The following PPP3CC variants were observed in gnomAD, a reference collection of about 807,000 sequenced individuals.
PPP3CC encodes serine/threonine-protein phosphatase 2B catalytic subunit gamma isoform.
In PPP3CC, 35 loss-of-function variants were observed where a neutral mutation model predicts 60.3. The ratio of observed to expected loss-of-function variants is 0.58; its 90% CI spans 0.44 to 0.77. The LOEUF is 0.77. Among genes scored for constraint, PPP3CC ranks in the 30% least tolerant of loss-of-function variants. The pLI is 0.00. For missense variants in PPP3CC, 570 were observed against 628.9 expected (o/e 0.91, Z 1.00); for synonymous variants, 206 against 224.3 (o/e 0.92, Z 0.73).
chr8:22,466,209 G>T (rs1837517931), intron 1 of PPP3CC, among the ~76,000 whole-genome samples: 1 of 152,104 alleles, frequency 6.6e-6, no homozygotes, highest in Non-Finnish European at 1.5e-5. Flanking sequence ...GTCTATATGT[G>T]CCACGTTTTC....
intron 3 of PPP3CC, among the ~76,000 whole-genome samples, chr8:22,485,503 G>C (rs145180005): frequency 6.6e-6 from 1 of 152,140 alleles, no homozygotes; most frequent in African/African-American, 2.4e-5. Context: ...CCAAAATCGG[G>C]AGTTCAGTCC....
chr8:22,498,689 A>G (rs1838665621), intron 4 of PPP3CC, among the ~76,000 whole-genome samples: 1 of 152,164 alleles, frequency 6.6e-6, no homozygotes, highest in Non-Finnish European at 1.5e-5. Flanking sequence ...ATGGTTTGTA[A>G]GTGTTATTTT....
rs777474578 is a variant in PPP3CC, at chr8:22,532,985, G to A, written c.1288G>A (p.Val430Ile). ...LTPTGTLPLG[V>I]LSGGKQTIET... ...TCCCACAGGCACACTCCCTCTGGGC[G>A]TCCTCTCAGGAGGCAAGCAGACTAT... Residue 430 changes from valine to isoleucine, a missense_variant, in exon 12 of 14, where the codon GTC (valine) becomes ATC (isoleucine). Val to Ile is a conservative substitution (Grantham distance 29, BLOSUM62 3). Coordinates refer to ENST00000240139, the MANE Select transcript of PPP3CC (RefSeq NM_005605.5). 8 of 1,605,460 alleles carry A rather than the reference G, an allele frequency of 5.0e-6. No homozygotes were observed. The highest frequency in any genetic ancestry group is 2.3e-5 in the East Asian group (1 of 43,992).
At chr8:22,445,072 A>G (rs1836782807) in intron 1 of PPP3CC, among the ~76,000 whole-genome samples, 1 of 152,198 alleles carries the variant, frequency 6.6e-6, no homozygotes, top group Admixed American at 6.5e-5. Context: ...ATTTCTTTTT[A>G]GTAAGGTGCT....
chr8:22,442,321 C>T (rs1243861098), intron 1 of PPP3CC, among the ~76,000 whole-genome samples: 1 of 152,188 alleles, frequency 6.6e-6, no homozygotes, highest in Non-Finnish European at 1.5e-5. Flanking sequence ...CTTAGACCAG[C>T]TGTGTTAGTG....
At chr8:22,473,953 G>C (rs1396151495) in intron 1 of PPP3CC, among the ~76,000 whole-genome samples, 1 of 151,894 alleles carries the variant, frequency 6.6e-6, no homozygotes, top group Non-Finnish European at 1.5e-5. Context: ...GGAGTTCAGT[G>C]GCGCGATCTC....
chr8:22,505,745 T>G (rs1838897171), intron 4 of PPP3CC, among the ~76,000 whole-genome samples: 1 of 152,200 alleles, frequency 6.6e-6, no homozygotes, highest in African/African-American at 2.4e-5. Context: ...GTTGAACACT[T>G]ACATGCTGAA....
intron 3 of PPP3CC, among the ~76,000 whole-genome samples, chr8:22,489,351 T>G (rs1327222204): frequency 6.6e-6 from 1 of 151,808 alleles, no homozygotes; most frequent in African/African-American, 2.4e-5. Flanking sequence ...GTTTTATTCT[T>G]TTTGTGCTTA....
At chr8:22,465,737 A>G (rs993275802) in intron 1 of PPP3CC, among the ~76,000 whole-genome samples, 3 of 152,192 alleles carry the variant, frequency 2.0e-5, no homozygotes, top group Admixed American at 2.0e-4. Context: ...TCCAGTCTAT[A>G]ATATTTTGTC....
intron 1 of PPP3CC, among the ~76,000 whole-genome samples, chr8:22,453,651 TATACA>T (rs1837101726): frequency 6.6e-6 from 1 of 152,196 alleles, no homozygotes; most frequent in Admixed American, 6.5e-5. Flanking sequence ...TAACCATACT[TATACA>T]AACCTAGATG....
chr8:22,486,787 TGGCACCATCTC>T (rs2132489366), intron 3 of PPP3CC, among the ~76,000 whole-genome samples: 1 of 151,390 alleles, frequency 6.6e-6, no homozygotes, highest in Admixed American at 6.6e-5. Flanking sequence ...TGGAGTACAG[TGGCACCATCTC>T]GGCTCACTGC....
In PPP3CC at chr8:22,498,054, G is replaced by T. The variant is rs752701318; in HGVS notation, c.426G>T (p.Leu142=). ...LKINHPKTLF[L]LRGNHECRHL... is the part of the protein sequence containing the mutation. The stretch of plus-strand genomic sequence containing the variant: ...TTAATCATCCCAAAACATTGTTTCT[G>T]CTTCGGGGAAATCATGAATGCAGGC... The change falls in exon 4 of 14, where the codon CTG becomes CTT. Residue 142 remains leucine, a synonymous_variant. Transcript: ENST00000240139. 1.9e-6 allele frequency: 3 copies of T among 1,613,340 alleles called. No individual in the cohort carries two copies. Among genetic ancestry groups the T allele is most frequent in the African/African-American group, 2.7e-5 (2 of 74,894 alleles).
chr8:22,493,332 T>C (rs2132503368), intron 3 of PPP3CC, among the ~76,000 whole-genome samples: 2 of 151,390 alleles, frequency 1.3e-5, no homozygotes, highest in Admixed American at 1.3e-4. Flanking sequence ...ATCCTGGGAA[T>C]CAAGTTTGAA....
At chr8:22,514,754 C>T (rs1586852756) in intron 6 of PPP3CC, among the ~76,000 whole-genome samples, 1 of 144,228 alleles carries the variant, frequency 6.9e-6, no homozygotes, top group Admixed American at 7.2e-5. Flanking sequence ...GATCTCAGCT[C>T]ACCGCATCCT....
At chr8:22,441,547 G>C (rs1041611275) in intron 1 of PPP3CC, 89 bp downstream of exon 1, 1 of 1,392,926 alleles carries the variant, frequency 7.2e-7, no homozygotes, top group Admixed American at 2.6e-5. Flanking sequence ...GCTGGGGCCG[G>C]GCTGCGCCCA....
In PPP3CC at chr8:22,510,293, G is replaced by A. The variant is rs546006586; in HGVS notation, c.485-793G>A. Among the ~76,000 whole-genome samples, 6 of 151,668 alleles carry A rather than the reference G, an allele frequency of 4.0e-5. No homozygotes were observed. In the South Asian group the frequency reaches 1.1e-3, roughly 27 times the overall value. On this transcript the variant is annotated intron_variant, in intron 4 of 13. Transcript: ENST00000240139. ...CTTCCAAAACATTGGGATTACAGGC[G>A]TGAGCCACCACACCAGTTTAAGCCA...
chr8:22,452,348 G>A (rs1837059814), intron 1 of PPP3CC, among the ~76,000 whole-genome samples: 1 of 152,100 alleles, frequency 6.6e-6, no homozygotes, highest in East Asian at 1.9e-4. Context: ...GTAGAATCTT[G>A]TCCCTCAGCT....
intron 3 of PPP3CC, among the ~76,000 whole-genome samples, chr8:22,477,638 T>G (rs1837933424): frequency 1.3e-5 from 2 of 152,032 alleles, no homozygotes. Flanking sequence ...TTTTATTTTA[T>G]TTTTTTAGAG....
intron 12 of PPP3CC, among the ~76,000 whole-genome samples, chr8:22,533,861 A>G (rs1479884734): frequency 4.6e-5 from 7 of 151,552 alleles, no homozygotes; most frequent in African/African-American, 1.7e-4. Flanking sequence ...ATATGAAAAG[A>G]TCTTAATATT....
Sources: gnomAD v4.1 joint callset for allele counts (sites outside exome capture counted in the v4.1 genomes callset) on GRCh38, gnomAD v4.1.1 for gene constraint, MANE v1.5 for transcripts, NCBI Gene and HGNC (gene_info 2026-07-23, HGNC 2026-07-21) for gene names.